GARIN1B: variants seen among roughly 807,000 people sequenced by gnomAD.
GARIN1B encodes the protein Golgi-associated RAB2 interactor protein 1B.
chr7:128,716,683 G>C, the GARIN1B span: 2 of 698,038 alleles, frequency 2.9e-6, no homozygotes, highest in Non-Finnish European at 4.7e-6. Flanking sequence ...AGTGTGCAGG[G>C]CAGTATCCTA....
the GARIN1B span, among the ~76,000 whole-genome samples, chr7:128,730,324 G>A: frequency 2.6e-4 from 40 of 152,270 alleles, no homozygotes; most frequent in African/African-American, 9.6e-4. Flanking sequence ...CTGTATGGGA[G>A]GTGTAAGGGA....
the GARIN1B span, chr7:128,730,025 G>A: frequency 6.2e-7 from 1 of 1,614,118 alleles, no homozygotes; most frequent in East Asian, 2.2e-5. Flanking sequence ...TCACTACTCA[G>A]CACTCTGGCA....
chr7:128,724,259 T>C, the GARIN1B span, among the ~76,000 whole-genome samples: 1 of 152,044 alleles, frequency 6.6e-6, no homozygotes, highest in African/African-American at 2.4e-5. Flanking sequence ...GATCCACCTG[T>C]CTCAGCCTCC....
the GARIN1B span, chr7:128,730,139 A>G: frequency 0.26 from 399,460 of 1,526,816 alleles, 61,475 homozygotes; most frequent in East Asian, 0.6. Context: ...GCTGGGTCAG[A>G]TCCTGGGGTC....
the GARIN1B span, among the ~76,000 whole-genome samples, chr7:128,723,977 A>G: frequency 6.6e-6 from 1 of 152,182 alleles, no homozygotes; most frequent in African/African-American, 2.4e-5. Flanking sequence ...TATACAGGTG[A>G]AAAAGTAAAA....
At chr7:128,725,957 A>G in the GARIN1B span, among the ~76,000 whole-genome samples, 1 of 152,212 alleles carries the variant, frequency 6.6e-6, no homozygotes, top group Non-Finnish European at 1.5e-5. Context: ...ATAGACAGCT[A>G]AAGAAAGGGT....
chr7:128,716,546 T>G, the GARIN1B span, among the ~76,000 whole-genome samples: 1 of 152,168 alleles, frequency 6.6e-6, no homozygotes, highest in African/African-American at 2.4e-5. Context: ...CAACAAGAAT[T>G]GATTTTTGGC....
chr7:128,729,893 T>G, the GARIN1B span: 2,013 of 1,611,140 alleles, frequency 1.2e-3, 25 homozygotes, highest in African/African-American at 0.023. Context: ...ATTTCTTTAC[T>G]TGATCTAGGG....
the GARIN1B span, chr7:128,718,797 G>A: frequency 6.2e-7 from 1 of 1,605,422 alleles, no homozygotes; most frequent in African/African-American, 1.3e-5. Context: ...GATGCAATAG[G>A]GTTGTCAGTG....
the GARIN1B span, among the ~76,000 whole-genome samples, chr7:128,722,057 C>G: frequency 3.3e-5 from 5 of 152,192 alleles, 1 homozygote; most frequent in Admixed American, 3.3e-4. Flanking sequence ...AGATATTGGT[C>G]TGTAATTTTC....
At chr7:128,728,027 A>T in the GARIN1B span, among the ~76,000 whole-genome samples, 81 of 152,368 alleles carry the variant, frequency 5.3e-4, no homozygotes, top group Non-Finnish European at 9.3e-4. Flanking sequence ...ACGTTGGCTC[A>T]GTAGGCAGCC....
At chr7:128,713,817 A>G in the GARIN1B span, 10 of 495,840 alleles carry the variant, frequency 2.0e-5, no homozygotes, top group African/African-American at 1.6e-4. Flanking sequence ...CTCAAATTGT[A>G]TATCTAAACC....
chr7:128,709,750 C>CTTTTTTT, the GARIN1B span, among the ~76,000 whole-genome samples: 9 of 114,618 alleles, frequency 7.9e-5, 2 homozygotes, highest in African/African-American at 1.0e-4. Context: ...CTCTCTCTCT[C>CTTTTTTT]TTTTTTTTTT....
chr7:128,720,567 G>A, the GARIN1B span, among the ~76,000 whole-genome samples: 3 of 152,072 alleles, frequency 2.0e-5, no homozygotes, highest in African/African-American at 7.2e-5. Flanking sequence ...TTTATCCTAT[G>A]TTTTATTCTA....
chr7:128,720,462 A>G, the GARIN1B span, among the ~76,000 whole-genome samples: 16 of 152,312 alleles, frequency 1.1e-4, no homozygotes, highest in African/African-American at 3.8e-4. Flanking sequence ...AGCCTCCCAA[A>G]GTCCTGGGAT....
the GARIN1B span, chr7:128,726,700 C>T: frequency 1.0e-6 from 1 of 977,804 alleles, no homozygotes; most frequent in African/African-American, 1.6e-5. Context: ...CACAGCTGGC[C>T]TTTTTCATAT....
At chr7:128,731,077 A>G in the GARIN1B span, 1 of 1,607,132 alleles carries the variant, frequency 6.2e-7, no homozygotes, top group Admixed American at 1.7e-5. Context: ...CCTATCAAAC[A>G]CTTTTCTCTC....
the GARIN1B span, among the ~76,000 whole-genome samples, chr7:128,725,375 T>TTCCA: frequency 6.6e-6 from 1 of 151,494 alleles, no homozygotes; most frequent in Non-Finnish European, 1.5e-5. Flanking sequence ...CCTTCCTTCC[T>TTCCA]TCCTTTTTCT....
chr7:128,724,056 G>C, the GARIN1B span, among the ~76,000 whole-genome samples: 31,342 of 152,178 alleles, frequency 0.21, 3,592 homozygotes, highest in East Asian at 0.4. Flanking sequence ...TGTCGCCCAG[G>C]CTGGAGTGCA....
Sources: allele counts gnomAD v4.1 joint callset (sites outside exome capture counted in the v4.1 genomes callset), GRCh38; gene constraint gnomAD v4.1.1; transcripts MANE v1.5; gene names NCBI Gene and HGNC (gene_info 2026-07-23, HGNC 2026-07-21).